KCNIP1: variants seen among roughly 807,000 people sequenced by gnomAD.
KCNIP1 encodes A-type potassium channel modulatory protein KCNIP1.
Under a neutral mutation model 33.0 loss-of-function variants are expected in KCNIP1, and 18 were observed. The ratio of observed to expected loss-of-function variants is 0.55; its 90% confidence interval spans 0.38 to 0.81. KCNIP1 has a LOEUF of 0.81. Among genes scored for constraint, KCNIP1 ranks in the 30% least tolerant of loss-of-function variants. The probability of loss-of-function intolerance (pLI) is 0.00; values close to 1 mark genes in which losing one functional copy is unlikely to be tolerated. For missense variants in KCNIP1, 238 were observed against 271.6 expected, an observed-to-expected ratio of 0.88 and a Z score of 0.87; for synonymous variants, 93 against 98.3, an observed-to-expected ratio of 0.95 and a Z score of 0.32.
intron 1 of KCNIP1, among the ~76,000 whole-genome samples, chr5:170,687,321 A>G (rs984874376): frequency 2.0e-5 from 3 of 151,850 alleles, no homozygotes; most frequent in Non-Finnish European, 4.4e-5. Context: ...AGCTGGGACT[A>G]CAGGTGCCCA....
rs1561703731 is a variant in KCNIP1, at chr5:170,589,787, GA to G, written c.61+85155del. On this transcript the variant is annotated intron_variant, in intron 1 of 7. Coordinates refer to ENST00000328939, the MANE Select transcript of KCNIP1 (RefSeq NM_014592.4). ...GGTGTGGTGTGGTGTGGTGTGATGT[GA>G]TGTGGTGTGCGGTGCGGTGCGGTGC... is the stretch of plus-strand genomic sequence containing the variant. Among the ~76,000 whole-genome samples the G allele has an allele frequency of 5.6e-5, 8 of 142,008 alleles. No individual in the cohort carries two copies. In the South Asian group the frequency reaches 6.6e-4, roughly 12 times the overall value. 93.2% of individuals were successfully genotyped at this position (142,008 alleles called of 152,430 possible). A position where few individuals can be genotyped will look rare whatever the true frequency, so the allele number is the denominator to read the frequency against.
chr5:170,514,784 C>T (rs1323024024), intron 1 of KCNIP1, among the ~76,000 whole-genome samples: 1 of 152,218 alleles, frequency 6.6e-6, no homozygotes, highest in East Asian at 1.9e-4. Flanking sequence ...AGAAACCGAT[C>T]TGTATCGGGC....
chr5:170,409,460 G>A (rs1190699449), intron 1 of KCNIP1, among the ~76,000 whole-genome samples: 3 of 152,142 alleles, frequency 2.0e-5, no homozygotes, highest in Admixed American at 6.5e-5. Context: ...TCCATCCCAC[G>A]GCTTTGCTCT....
intron 1 of KCNIP1, among the ~76,000 whole-genome samples, chr5:170,617,084 A>T (rs575136658): frequency 7.8e-4 from 118 of 152,214 alleles, no homozygotes; most frequent in Middle Eastern, 3.4e-3. Context: ...TAGGGCCCAG[A>T]ATCTGGTACC....
intron 1 of KCNIP1, among the ~76,000 whole-genome samples, chr5:170,524,995 T>A (rs755961845): frequency 2.6e-5 from 4 of 152,170 alleles, no homozygotes; most frequent in African/African-American, 7.2e-5. Context: ...GGTAAACCGA[T>A]GAGAGGACAT....
chr5:170,380,156 C>A (rs1581128453), intron 1 of KCNIP1, among the ~76,000 whole-genome samples: 3 of 152,186 alleles, frequency 2.0e-5, no homozygotes, highest in East Asian at 3.9e-4. Context: ...TTATTAGGAA[C>A]TTTCTGCCCT....
Position 170,594,545 on chromosome 5 carries a change from C to T in KCNIP1, c.61+89912C>T, listed in dbSNP as rs139372472. ...TTATTGTTTGAGACAGAGTCTCGCT[C>T]TGCCACCCAGGCTGGAGTGCAGTGG... On this transcript the variant is annotated intron_variant, in intron 1 of 7. Coordinates refer to ENST00000328939, the MANE Select transcript of KCNIP1 (RefSeq NM_014592.4). 2.1e-4 allele frequency among the ~76,000 whole-genome samples: 32 copies of T among 152,260 alleles called. No individual in the cohort carries two copies. The East Asian group carries it at 5.8e-3, about 28-fold the overall frequency.
At chr5:170,450,695 C>A (rs543181724) in intron 1 of KCNIP1, among the ~76,000 whole-genome samples, 1 of 152,168 alleles carries the variant, frequency 6.6e-6, no homozygotes, top group Non-Finnish European at 1.5e-5. Flanking sequence ...CACCTCCGCC[C>A]CGATCCCCAG....
In KCNIP1 at chr5:170,537,765, A is replaced by C. The variant is rs114866791; in HGVS notation, c.61+33132A>C. On this transcript the variant is annotated intron_variant, in intron 1 of 7. Coordinates refer to ENST00000328939, the MANE Select transcript of KCNIP1 (RefSeq NM_014592.4). ...TTGTTGATGGTTTTCCTCATTCATC[A>C]AATTGGGGTGCTGAGGGCACCCACT... Among the ~76,000 whole-genome samples the C allele has an allele frequency of 7.7e-3, 1,173 of 152,258 alleles. 18 individuals are homozygous for C. The highest frequency in any genetic ancestry group is 0.026 in the African/African-American group (1,080 of 41,550).
chr5:170,509,324 A>G (rs1754842865), intron 1 of KCNIP1, among the ~76,000 whole-genome samples: 2 of 152,198 alleles, frequency 1.3e-5, no homozygotes, highest in South Asian at 2.1e-4. Flanking sequence ...CCTCAATCCC[A>G]GAAGAAGCTC....
chr5:170,654,270 T>C lies in KCNIP1; in HGVS notation c.62-64488T>C, dbSNP rs191384418. ...GCACCCGTTTTCCACATATTGAGCA[T>C]TGCTGAGCACCTATTCTGTGCCAGG... On this transcript the variant is annotated intron_variant, in intron 1 of 7. Transcript: ENST00000328939. Among the ~76,000 whole-genome samples, 360 of 152,350 alleles carry C rather than the reference T, an allele frequency of 2.4e-3. 2 individuals carry two copies. The highest frequency in any genetic ancestry group is 1.6e-3 in the Non-Finnish European group (108 of 68,032).
At chr5:170,387,443 T>A (rs1764522892) in intron 1 of KCNIP1, among the ~76,000 whole-genome samples, 1 of 152,046 alleles carries the variant, frequency 6.6e-6, no homozygotes, top group African/African-American at 2.4e-5. Context: ...CCCGGGCATC[T>A]CCGCTAAAGG....
chr5:170,622,520 G>A (rs189850825), intron 1 of KCNIP1, among the ~76,000 whole-genome samples: 1 of 152,004 alleles, frequency 6.6e-6, no homozygotes, highest in Non-Finnish European at 1.5e-5. Context: ...TACTCGGGAG[G>A]CTGAGGCAAG....
At chr5:170,456,174 C>T (rs1756368858) in intron 1 of KCNIP1, among the ~76,000 whole-genome samples, 1 of 152,164 alleles carries the variant, frequency 6.6e-6, no homozygotes, top group Non-Finnish European at 1.5e-5. Context: ...ATAGATGAAG[C>T]TGGAAGCCAT....
intron 1 of KCNIP1, among the ~76,000 whole-genome samples, chr5:170,459,594 G>C (rs58384623): frequency 0.13 from 19,085 of 152,100 alleles, 1,267 homozygotes; most frequent in South Asian, 0.17. Context: ...GAATATCACT[G>C]GGTCAAAAAT....
chr5:170,418,993 C>T (rs990429946), intron 1 of KCNIP1, among the ~76,000 whole-genome samples: 1 of 152,330 alleles, frequency 6.6e-6, no homozygotes, highest in African/African-American at 2.4e-5. Context: ...TCTTTGAGGG[C>T]AGTAACCTTT....
chr5:170,732,334 A>G (rs531352484), intron 5 of KCNIP1, among the ~76,000 whole-genome samples: 1 of 152,280 alleles, frequency 6.6e-6, no homozygotes, highest in South Asian at 2.1e-4. Context: ...GATCTTTTTA[A>G]TAAGGGCCTC....
chr5:170,529,660 G>A (rs1755713506), intron 1 of KCNIP1, among the ~76,000 whole-genome samples: 1 of 152,182 alleles, frequency 6.6e-6, no homozygotes, highest in Non-Finnish European at 1.5e-5. Context: ...TTAGGACTGT[G>A]CTCATTGTAC....
At chr5:170,553,530 G>A (rs540647023) in intron 1 of KCNIP1, among the ~76,000 whole-genome samples, 3 of 152,290 alleles carry the variant, frequency 2.0e-5, no homozygotes, top group East Asian at 3.9e-4. Flanking sequence ...ACCTGCTCTC[G>A]GTTGTTCATG....
Sources: gnomAD v4.1 joint callset for allele counts (sites outside exome capture counted in the v4.1 genomes callset) on GRCh38, gnomAD v4.1.1 for gene constraint, MANE v1.5 for transcripts, NCBI Gene and HGNC (gene_info 2026-07-23, HGNC 2026-07-21) for gene names.